The following NT5C1B variants were observed in gnomAD, a reference collection of about 807,000 sequenced individuals.
NT5C1B encodes the protein 5'-nucleotidase, cytosolic IB.
In NT5C1B, 44 loss-of-function variants were observed where a neutral mutation model predicts 57.8. That is an observed-to-expected ratio of 0.76 (90% confidence interval 0.60 to 0.98). The LOEUF (loss-of-function observed/expected upper bound fraction) is 0.98, where lower values mean the gene tolerates loss of function less well. Ranked by LOEUF, NT5C1B falls within the 50% of genes least tolerant of loss-of-function variation. The pLI is 0.00. For missense variants in NT5C1B, 742 were observed against 719.5 expected (o/e 1.03, Z -0.36); for synonymous variants, 284 against 282.6 (o/e 1.00, Z -0.05).
intron 2 of NT5C1B, chr2:18,586,609 G>T (rs2148181803): frequency 1.4e-6 from 1 of 731,836 alleles, no homozygotes; most frequent in Non-Finnish European, 2.1e-6. Flanking sequence ...GGGTCCACTT[G>T]AAAGAGCATC....
At chr2:18,563,754 T>G (rs954248502) in exon 9 of NT5C1B, 1 of 1,459,956 alleles carries the variant, frequency 6.8e-7, no homozygotes, top group Admixed American at 2.3e-5. Context: ...AAGTGGCTTC[T>G]GTAACACCAG....
Position 18,584,702 on chromosome 2 carries a change from A to G in NT5C1B, c.535T>C (p.Ser179Pro). Residue 179 changes from serine to proline, a missense_variant, in exon 4 of 9, where the codon TCC (serine) becomes CCC (proline). Physicochemically the swap from Ser to Pro is moderately conservative, Grantham distance 74. Transcript: ENST00000304081. The surrounding 1 kb of genome is among the most constrained non-coding windows in gnomAD (Gnocchi z 5.8). ...CTGGAGGACTTCCACTCGGTGGGGG[A>G]CGTGCGCGAATATTCCAGCGGCTGC... The G allele has an allele frequency of 5.0e-6, 8 of 1,611,304 alleles. No homozygotes were observed. The highest frequency in any genetic ancestry group is 6.8e-6 in the Non-Finnish European group (8 of 1,178,678).
chr2:18,567,376 C>G (rs1301176612), intron 8 of NT5C1B, among the ~76,000 whole-genome samples: 1 of 152,162 alleles, frequency 6.6e-6, no homozygotes, highest in African/African-American at 2.4e-5. Flanking sequence ...AAGAGACTAT[C>G]AAGGATTGGT....
At chr2:18,589,341 A>T in intron 1 of NT5C1B, 98 bp downstream of exon 1, 1 of 1,519,488 alleles carries the variant, frequency 6.6e-7, no homozygotes, top group Non-Finnish European at 9.1e-7. Flanking sequence ...ATCTGAAATT[A>T]TTTGATCATT....
chr2:18,583,772 A>G, intron 5 of NT5C1B: 1 of 535,932 alleles, frequency 1.9e-6, no homozygotes, highest in East Asian at 5.0e-5. Flanking sequence ...TATTTCTACT[A>G]CTCAGGATCA....
intron 2 of NT5C1B, chr2:18,587,250 C>A (rs1238769616): frequency 6.6e-7 from 1 of 1,521,502 alleles, no homozygotes; most frequent in East Asian, 2.4e-5. Context: ...AGACCAGTCT[C>A]CCCCCTGTGT....
In NT5C1B at chr2:18,584,588, C is replaced by A. The variant is rs761245915; in HGVS notation, c.649G>T (p.Asp217Tyr). 1 of 1,612,476 alleles carries A rather than the reference C, an allele frequency of 6.2e-7. No individual in the cohort carries two copies. The highest frequency in any genetic ancestry group is 1.1e-5 in the South Asian group (1 of 90,712). The change falls in exon 4 of 9, where the codon GAC (aspartate) becomes TAC (tyrosine). Residue 217 changes from aspartate (D) to tyrosine (Y), a missense_variant. Physicochemically the swap from Asp to Tyr is radical, Grantham distance 160. Transcript: ENST00000304081. This position sits in a 1 kb window ranked among gnomAD's most constrained non-coding sequence, Gnocchi z 5.8. ...GATGCCCAGTAGGCAGCCTCGTAGT[C>A]GTCCTCGTCCTCCCGCTGCTGCTGC...
At chr2:18,587,917 T>C (rs192017055) in intron 1 of NT5C1B, among the ~76,000 whole-genome samples, 5 of 151,170 alleles carry the variant, frequency 3.3e-5, no homozygotes, top group African/African-American at 1.2e-4. Flanking sequence ...AATAAGTTTG[T>C]TTTTTTTTCT....
intron 5 of NT5C1B, 169 bp downstream of exon 5, chr2:18,583,919 T>TGA (rs1666413547): frequency 8.7e-7 from 1 of 1,155,500 alleles, no homozygotes; most frequent in South Asian, 1.3e-5. Flanking sequence ...CTCCACAGTC[T>TGA]GGAAGCCTGT....
chr2:18,580,577 T>G (rs1364247735), intron 6 of NT5C1B, among the ~76,000 whole-genome samples: 2 of 152,146 alleles, frequency 1.3e-5, no homozygotes, highest in African/African-American at 2.4e-5. Flanking sequence ...ATAGCACTAT[T>G]GCACTCCAGC....
Position 18,584,535 on chromosome 2 carries a change from C to G in NT5C1B, c.702G>C (p.Pro234=), listed in dbSNP as rs372417853. The change falls in exon 4 of 9, where the codon CCG becomes CCC. Residue 234 remains proline (P), a synonymous_variant. Transcript: ENST00000304081. This position sits in a 1 kb window ranked among gnomAD's most constrained non-coding sequence, Gnocchi z 5.8. ...TCACCGGCCAGGGGCGCGAGCAGCT[C>G]GGGTTCTTCTCGTAGAACGACCTCA... The G allele has an allele frequency of 6.2e-7, 1 of 1,611,402 alleles. No homozygotes were observed. Among genetic ancestry groups the G allele is most frequent in the Non-Finnish European group, 8.5e-7 (1 of 1,179,112 alleles).
At chr2:18,583,096 T>C in intron 5 of NT5C1B, 99 bp from the exon 6 acceptor site, 1 of 1,446,008 alleles carries the variant, frequency 6.9e-7, no homozygotes, top group Non-Finnish European at 9.1e-7. Flanking sequence ...ATTCAAGCTC[T>C]GAAGAATCTT....
Position 18,571,055 on chromosome 2 carries a change from A to G in NT5C1B, c.1329+5129T>C, listed in dbSNP as rs185755747. On this transcript the variant is annotated intron_variant, in intron 8 of 8. Transcript: ENST00000304081. Reference sequence around the variant, plus strand: ...TAGCTCCCTCAACCTGACAAAAGGCATCTAGAAAAGATCAATGGATAACAG... The same window carrying G: ...TAGCTCCCTCAACCTGACAAAAGGCGTCTAGAAAAGATCAATGGATAACAG... Among the ~76,000 whole-genome samples the G allele has an allele frequency of 7.2e-5, 11 of 152,322 alleles. 1 individual carries two copies. The highest frequency in any genetic ancestry group is 2.6e-4 in the African/African-American group (11 of 41,580).
At chr2:18,572,310 T>C (rs1572329171) in intron 8 of NT5C1B, among the ~76,000 whole-genome samples, 2 of 152,042 alleles carry the variant, frequency 1.3e-5, no homozygotes, top group Non-Finnish European at 2.9e-5. Context: ...TAGATGATAA[T>C]CCTAAGTAAG....
In NT5C1B at chr2:18,584,968, C is replaced by G; in HGVS notation, c.269G>C (p.Ser90Thr). The G allele has an allele frequency of 6.5e-7, 1 of 1,547,296 alleles. No individual in the cohort carries two copies. The highest frequency in any genetic ancestry group is 1.2e-5 in the South Asian group (1 of 81,732). ...GGATGGAGTCCGGGAGCTCGTGGAGCTGCTGGGGAGCTGCAGCAAGACAAT... is the reference window on the plus strand; with the variant it reads ...GGATGGAGTCCGGGAGCTCGTGGAGGTGCTGGGGAGCTGCAGCAAGACAAT... Residue 90 changes from serine (S) to threonine (T), a missense_variant, in exon 4 of 9, where the codon AGC (serine) becomes ACC (threonine). Coordinates refer to ENST00000304081, the Ensembl canonical transcript of NT5C1B. The surrounding 1 kb of genome is among the most constrained non-coding windows in gnomAD (Gnocchi z 5.8).
intron 8 of NT5C1B, among the ~76,000 whole-genome samples, chr2:18,566,805 A>C (rs1315662629): frequency 6.6e-6 from 1 of 152,218 alleles, no homozygotes; most frequent in Non-Finnish European, 1.5e-5. Context: ...TCCCACCCTA[A>C]TAACAAGAAA....
intron 3 of NT5C1B, among the ~76,000 whole-genome samples, chr2:18,585,835 CT>C (rs533229872): frequency 4.0e-5 from 6 of 150,272 alleles, no homozygotes; most frequent in East Asian, 1.9e-4. Flanking sequence ...TCAAAACTAA[CT>C]TTTTTTTTTA....
In NT5C1B at chr2:18,563,890, TG is replaced by T; in HGVS notation, c.1558del (p.His520ThrfsTer17). 1 of 1,614,036 alleles carries T rather than the reference TG, an allele frequency of 6.2e-7. No individual in the cohort carries two copies. Among genetic ancestry groups the T allele is most frequent in the Non-Finnish European group, 8.5e-7 (1 of 1,179,992 alleles). On this transcript the variant is annotated frameshift_variant, in exon 9 of 9. Transcript: ENST00000304081. LOFTEE classifies it high-confidence loss of function. ...GAACATGTGGTCATCAAAGAAGATG[TG>T]GGGCCGGATCTTCACCAAGATGGGA...
chr2:18,567,115 A>G (rs1664714210), intron 8 of NT5C1B, among the ~76,000 whole-genome samples: 2 of 152,178 alleles, frequency 1.3e-5, no homozygotes, highest in Admixed American at 1.3e-4. Context: ...GCTTTTCTCC[A>G]TGGACTTCAC....
Sources: allele counts gnomAD v4.1 joint callset (sites outside exome capture counted in the v4.1 genomes callset), GRCh38; gene constraint gnomAD v4.1.1; non-coding constraint Gnocchi (gnomAD v3.1); transcripts MANE v1.5; gene names NCBI Gene and HGNC (gene_info 2026-07-23, HGNC 2026-07-21).